The following HIVEP1 variants were observed in gnomAD, a reference collection of about 807,000 sequenced individuals.
The protein encoded by HIVEP1 is zinc finger protein 40.
Under a neutral mutation model 180.0 loss-of-function variants are expected in HIVEP1, and 36 were observed. That is an observed-to-expected ratio of 0.20 (90% CI 0.15 to 0.26). The LOEUF (loss-of-function observed/expected upper bound fraction) is 0.26. Ranked by LOEUF, HIVEP1 falls within the 10% of genes least tolerant of loss-of-function variation. The pLI is 1.00. For synonymous variants in HIVEP1, 1,239 were observed against 1,239.0 expected, an observed-to-expected ratio of 1.00 and a Z score of 0.00; for missense variants, 3,143 against 3,268.7, an observed-to-expected ratio of 0.96 and a Z score of 0.94.
chr6:12,084,931 G>A (rs1773021377), intron 2 of HIVEP1, among the ~76,000 whole-genome samples: 1 of 152,052 alleles, frequency 6.6e-6, no homozygotes, highest in Non-Finnish European at 1.5e-5. Flanking sequence ...TGCTTTCGGG[G>A]TACTGATACA....
the HIVEP1 span, among the ~76,000 whole-genome samples, chr6:12,185,262 TG>T: frequency 6.6e-6 from 1 of 152,196 alleles, no homozygotes; most frequent in Non-Finnish European, 1.5e-5. Context: ...TTGACAGCAG[TG>T]GTCTTGCTGG....
intron 2 of HIVEP1, among the ~76,000 whole-genome samples, chr6:12,031,890 G>A (rs1768970407): frequency 6.6e-6 from 1 of 152,126 alleles, no homozygotes; most frequent in Admixed American, 6.5e-5. Flanking sequence ...CCTGTGGACC[G>A]TGAATGTGGA....
At chr6:12,131,832 AC>A (rs1204690333) in intron 6 of HIVEP1, among the ~76,000 whole-genome samples, 9 of 151,230 alleles carry the variant, frequency 6.0e-5, no homozygotes. Flanking sequence ...AATAGAAACA[AC>A]TTTTATCCTT....
chr6:12,085,756 A>G (rs901326277), intron 2 of HIVEP1, among the ~76,000 whole-genome samples: 8 of 152,186 alleles, frequency 5.3e-5, no homozygotes, highest in African/African-American at 1.9e-4. Flanking sequence ...GCACTTTAGC[A>G]TAGACTGAAG....
chr6:12,104,414 C>CTCTCTT (rs772806336), intron 3 of HIVEP1, among the ~76,000 whole-genome samples: 2 of 117,790 alleles, frequency 1.7e-5, no homozygotes, highest in African/African-American at 5.9e-5. Flanking sequence ...CTCTCTCTCT[C>CTCTCTT]CTTTTCTTTC....
chr6:12,118,972 G>A (rs577619777), intron 3 of HIVEP1, among the ~76,000 whole-genome samples: 68 of 152,324 alleles, frequency 4.5e-4, no homozygotes, highest in African/African-American at 1.5e-3. Flanking sequence ...TTAAAGGGTT[G>A]AATTTTCTTC....
At chr6:12,085,354 A>C (rs1015376497) in intron 2 of HIVEP1, among the ~76,000 whole-genome samples, 4 of 152,048 alleles carry the variant, frequency 2.6e-5, no homozygotes, top group Non-Finnish European at 5.9e-5. Context: ...GTTAAGTCCT[A>C]GGGTCTGGTT....
At chr6:12,015,182 GCC>G (rs1324612853) in intron 1 of HIVEP1, among the ~76,000 whole-genome samples, 2 of 152,192 alleles carry the variant, frequency 1.3e-5, no homozygotes, top group African/African-American at 4.8e-5. Context: ...CATTGTCCCT[GCC>G]CCTATGAATG....
intron 3 of HIVEP1, among the ~76,000 whole-genome samples, chr6:12,100,702 A>T (rs1371714800): frequency 6.6e-6 from 1 of 152,154 alleles, no homozygotes; most frequent in African/African-American, 2.4e-5. Flanking sequence ...CTGCTAAGTG[A>T]TTTTCTTAAA....
chr6:12,108,291 C>G (rs566987210), intron 3 of HIVEP1, among the ~76,000 whole-genome samples: 3 of 152,148 alleles, frequency 2.0e-5, no homozygotes, highest in Non-Finnish European at 2.9e-5. Context: ...AGATTCTCCG[C>G]GTCCCCACCA....
At chr6:12,205,333 T>C in the HIVEP1 span, among the ~76,000 whole-genome samples, 1 of 152,002 alleles carries the variant, frequency 6.6e-6, no homozygotes, top group East Asian at 1.9e-4. Context: ...TAGCCAGGCT[T>C]GGTGGCAGGC....
At chr6:12,119,344 G>A (rs1284973334) in intron 3 of HIVEP1, among the ~76,000 whole-genome samples, 2 of 152,208 alleles carry the variant, frequency 1.3e-5, no homozygotes, top group Non-Finnish European at 2.9e-5. Flanking sequence ...TGAAACCTGT[G>A]GTGAAAATAC....
At chr6:12,140,663 G>A (rs1758969334) in intron 7 of HIVEP1, among the ~76,000 whole-genome samples, 1 of 152,214 alleles carries the variant, frequency 6.6e-6, no homozygotes, top group African/African-American at 2.4e-5. Context: ...AAACAGTGTA[G>A]AGAAGACCTT....
the HIVEP1 span, among the ~76,000 whole-genome samples, chr6:12,206,165 G>T: frequency 3.3e-5 from 5 of 151,750 alleles, no homozygotes; most frequent in Non-Finnish European, 7.4e-5. Context: ...ACAGAGTCTC[G>T]CTCTGTCACC....
chr6:12,191,544 G>A, the HIVEP1 span, among the ~76,000 whole-genome samples: 3 of 152,174 alleles, frequency 2.0e-5, no homozygotes, highest in African/African-American at 7.2e-5. Flanking sequence ...CAGCAAGCCT[G>A]ATTGTGCCAC....
intron 7 of HIVEP1, among the ~76,000 whole-genome samples, chr6:12,159,103 T>C (rs76688164): frequency 6.6e-6 from 1 of 152,150 alleles, no homozygotes; most frequent in South Asian, 2.1e-4. Flanking sequence ...CAAGCTTGTG[T>C]CTCCTTAGAT....
At chr6:12,055,480 AT>A (rs1360635985) in intron 2 of HIVEP1, among the ~76,000 whole-genome samples, 1 of 152,200 alleles carries the variant, frequency 6.6e-6, no homozygotes, top group Non-Finnish European at 1.5e-5. Context: ...CAAAAAAAAA[AT>A]AAAAAGTCAT....
intron 3 of HIVEP1, among the ~76,000 whole-genome samples, chr6:12,096,853 A>T (rs985877504): frequency 1.3e-5 from 2 of 152,054 alleles, no homozygotes; most frequent in Non-Finnish European, 2.9e-5. Context: ...GAAAAGATGG[A>T]CAGATTTTAT....
At chr6:12,011,486 G>A (rs9394468), upstream of HIVEP1, among the ~76,000 whole-genome samples, 52 of 149,848 alleles carry the variant, frequency 3.5e-4, no homozygotes, top group East Asian at 7.2e-3. Flanking sequence ...GTGACTGGCC[G>A]GGCCCGCCCC....
Sources: gnomAD v4.1 joint callset for allele counts (sites outside exome capture counted in the v4.1 genomes callset) on GRCh38, gnomAD v4.1.1 for gene constraint, MANE v1.5 for transcripts, NCBI Gene and HGNC (gene_info 2026-07-23, HGNC 2026-07-21) for gene names.